CDC14A: variants seen among roughly 807,000 people sequenced by gnomAD.
CDC14A encodes the protein dual specificity protein phosphatase CDC14A.
In CDC14A, 53 loss-of-function variants were observed where a neutral mutation model predicts 74.4. The ratio of observed to expected loss-of-function variants is 0.71; its 90% CI spans 0.57 to 0.89. The LOEUF (loss-of-function observed/expected upper bound fraction) is 0.89, where lower values mean the gene tolerates loss of function less well. Ranked by LOEUF, CDC14A falls within the 40% of genes least tolerant of loss-of-function variation. The pLI is 0.00. For missense variants in CDC14A, 646 were observed against 713.7 expected, an observed-to-expected ratio of 0.91 and a Z score of 1.08; for synonymous variants, 247 against 258.4, an observed-to-expected ratio of 0.96 and a Z score of 0.43.
chr1:100,517,798 A>G (rs1650357965), intron 15 of CDC14A, among the ~76,000 whole-genome samples: 1 of 152,234 alleles, frequency 6.6e-6, no homozygotes, highest in Non-Finnish European at 1.5e-5. Flanking sequence ...AATTTATTTA[A>G]ATGGCTGCTA....
intron 7 of CDC14A, among the ~76,000 whole-genome samples, chr1:100,448,329 A>G (rs12138211): frequency 1.3e-3 from 197 of 152,342 alleles, no homozygotes; most frequent in Non-Finnish European, 2.2e-3. Context: ...AAACAAAATT[A>G]TGAGAATATT....
At chr1:100,348,828 C>T (rs1460785141), upstream of CDC14A, among the ~76,000 whole-genome samples, 1 of 152,242 alleles carries the variant, frequency 6.6e-6, no homozygotes, top group East Asian at 1.9e-4. Flanking sequence ...TCTAGAACTG[C>T]AGGTGCACAA....
At chr1:100,365,689 A>G (rs1014243724) in intron 2 of CDC14A, among the ~76,000 whole-genome samples, 2 of 152,184 alleles carry the variant, frequency 1.3e-5, no homozygotes, top group African/African-American at 4.8e-5. Flanking sequence ...AGTTGGCATC[A>G]GTGTGACTGT....
At chr1:100,383,701 T>C (rs1273364770) in intron 3 of CDC14A, 3 of 152,522 alleles carry the variant, frequency 2.0e-5, no homozygotes, top group African/African-American at 4.8e-5. Context: ...AATATGACCA[T>C]GATCATTGAC....
In CDC14A at chr1:100,377,630, TGTA is replaced by T; in HGVS notation, c.216+12_216+14del. 6.3e-7 allele frequency: 1 copy of T among 1,590,586 alleles called. No homozygotes were observed. The highest frequency in any genetic ancestry group is 8.6e-7 in the Non-Finnish European group (1 of 1,159,766). ...TAAACAAGAAACTAAAAGTGAGTAT[TGTA>T]GTGATATTTATAATTTGGAATTAAA... On this transcript the variant is annotated intron_variant, in intron 3 of 15. Coordinates refer to ENST00000336454, the MANE Select transcript of CDC14A (RefSeq NM_003672.4).
intron 13 of CDC14A, 124 bp downstream of exon 13, chr1:100,496,173 T>G: frequency 1.4e-6 from 1 of 740,114 alleles, no homozygotes; most frequent in Non-Finnish European, 2.3e-6. Context: ...ATTGCTTCCT[T>G]TCTCTTCCAT....
At chr1:100,421,167 T>G (rs1662318377) in intron 4 of CDC14A, among the ~76,000 whole-genome samples, 1 of 152,168 alleles carries the variant, frequency 6.6e-6, no homozygotes, top group Non-Finnish European at 1.5e-5. Flanking sequence ...TGGGGAAAGT[T>G]CTGGTTTGGG....
intron 4 of CDC14A, chr1:100,393,694 G>T: frequency 2.3e-6 from 1 of 428,400 alleles, no homozygotes; most frequent in East Asian, 5.6e-5. Flanking sequence ...GGTGGCACAC[G>T]ACTGTAATCC....
chr1:100,450,558 T>C (rs1188653395), intron 7 of CDC14A, among the ~76,000 whole-genome samples: 2 of 152,052 alleles, frequency 1.3e-5, no homozygotes, highest in Non-Finnish European at 2.9e-5. Flanking sequence ...AGAAGAAGCA[T>C]TCTCCTGGAG....
In CDC14A at chr1:100,434,271, G is replaced by A. The variant is rs111907250; in HGVS notation, c.390-5661G>A. On this transcript the variant is annotated intron_variant, in intron 5 of 15. Transcript: ENST00000336454. The stretch of plus-strand genomic sequence containing the variant: ...GCGTGGTGGTTTGAAGGTTGAGGAG[G>A]GTAAGTGGGAAGATGAGGGTGAGAG... Among the ~76,000 whole-genome samples the A allele has an allele frequency of 4.8e-3, 726 of 152,216 alleles. 5 individuals are homozygous for A. The highest frequency in any genetic ancestry group is 6.8e-3 in the Non-Finnish European group (461 of 68,004).
intron 10 of CDC14A, among the ~76,000 whole-genome samples, chr1:100,481,692 A>G (rs998208405): frequency 5.9e-5 from 9 of 152,206 alleles, no homozygotes; most frequent in African/African-American, 1.7e-4. Flanking sequence ...TTAAGGCTCT[A>G]TTCAAACCAA....
chr1:100,450,587 T>C lies in CDC14A; in HGVS notation c.520-4818T>C, dbSNP rs371581965. On this transcript the variant is annotated intron_variant, in intron 7 of 15. Coordinates refer to ENST00000336454, the MANE Select transcript of CDC14A (RefSeq NM_003672.4). ...CCTGGAGCTGTCTGGTAGTGTTCAT[T>C]ACACCACTCCAAAGCCTCAAGTTTA... is the stretch of plus-strand genomic sequence containing the variant. 1.4e-3 allele frequency among the ~76,000 whole-genome samples: 207 copies of C among 152,314 alleles called. 1 individual carries two copies. Among genetic ancestry groups the C allele is most frequent in the African/African-American group, 4.6e-3 (190 of 41,570 alleles).
At chr1:100,416,328 A>C (rs1661524582) in intron 4 of CDC14A, among the ~76,000 whole-genome samples, 2 of 152,226 alleles carry the variant, frequency 1.3e-5, no homozygotes, top group Non-Finnish European at 2.9e-5. Flanking sequence ...TGCTAGTAAC[A>C]GTAACTCGCT....
chr1:100,486,173 A>G (rs1225116275), intron 11 of CDC14A, among the ~76,000 whole-genome samples: 1 of 152,242 alleles, frequency 6.6e-6, no homozygotes, highest in Non-Finnish European at 1.5e-5. Context: ...GAAAAGACAA[A>G]CATAAAGTTA....
intron 7 of CDC14A, among the ~76,000 whole-genome samples, chr1:100,454,466 A>G (rs1666475141): frequency 6.6e-6 from 1 of 152,038 alleles, no homozygotes; most frequent in Non-Finnish European, 1.5e-5. Context: ...AATTTGGGGT[A>G]ACCTTACTCG....
At chr1:100,392,430 G>A (rs1657848097) in intron 4 of CDC14A, among the ~76,000 whole-genome samples, 1 of 151,002 alleles carries the variant, frequency 6.6e-6, no homozygotes, top group Middle Eastern at 3.2e-3. Flanking sequence ...TCAAGAAGAG[G>A]TCATTTGCCA....
At chr1:100,410,141 C>G (rs951256494) in intron 4 of CDC14A, among the ~76,000 whole-genome samples, 2 of 151,416 alleles carry the variant, frequency 1.3e-5, no homozygotes, top group Admixed American at 6.6e-5. Flanking sequence ...GATCCCAAAA[C>G]TTTGAGGCTG....
chr1:100,482,610 C>T (rs1195388877), intron 10 of CDC14A, among the ~76,000 whole-genome samples: 1 of 152,084 alleles, frequency 6.6e-6, no homozygotes, highest in Non-Finnish European at 1.5e-5. Context: ...TTTTCTCATC[C>T]TAAACTAGAA....
chr1:100,471,528 G>A (rs568137732), intron 10 of CDC14A, among the ~76,000 whole-genome samples: 57 of 152,156 alleles, frequency 3.7e-4, no homozygotes, highest in African/African-American at 1.3e-3. Flanking sequence ...ATATAAATAA[G>A]TGAAAAGATA....
Sources: gnomAD v4.1 joint callset for allele counts (sites outside exome capture counted in the v4.1 genomes callset) on GRCh38, gnomAD v4.1.1 for gene constraint, MANE v1.5 for transcripts, NCBI Gene and HGNC (gene_info 2026-07-23, HGNC 2026-07-21) for gene names.